RALYL: variants seen among roughly 807,000 people sequenced by gnomAD.
The protein encoded by RALYL is RALY RNA binding protein like.
In RALYL, 29 loss-of-function variants were observed where a neutral mutation model predicts 35.1. The observed-to-expected ratio is 0.83, with a 90% CI of 0.61 to 1.13. The LOEUF (loss-of-function observed/expected upper bound fraction) is 1.13, where lower values mean the gene tolerates loss of function less well. RALYL is among the 50% of genes most tolerant of loss of function. RALYL has a pLI of 0.00. For missense variants in RALYL, 359 were observed against 360.4 expected (o/e 1.00, Z 0.03); for synonymous variants, 120 against 127.6 (o/e 0.94, Z 0.40).
At chr8:84,268,802 CTTTTG>C (rs923255230) in intron 1 of RALYL, among the ~76,000 whole-genome samples, 1 of 152,080 alleles carries the variant, frequency 6.6e-6, no homozygotes, top group African/African-American at 2.4e-5. Flanking sequence ...CTGCATGGGT[CTTTTG>C]GTATCCCGTA....
intron 2 of RALYL, among the ~76,000 whole-genome samples, chr8:84,763,902 G>C (rs1238780886): frequency 1.3e-5 from 2 of 152,266 alleles, no homozygotes; most frequent in East Asian, 1.9e-4. Flanking sequence ...CATAGATGAA[G>C]CATGCACCAA....
At chr8:84,521,491 T>C (rs897986058) in intron 1 of RALYL, among the ~76,000 whole-genome samples, 1 of 152,230 alleles carries the variant, frequency 6.6e-6, no homozygotes, top group African/African-American at 2.4e-5. Context: ...TTGTGTTGTT[T>C]CATCTGCATG....
chr8:84,480,126 A>G (rs1444153503), intron 1 of RALYL, among the ~76,000 whole-genome samples: 1 of 152,120 alleles, frequency 6.6e-6, no homozygotes, highest in African/African-American at 2.4e-5. Context: ...GTGTCAAATA[A>G]ATAGTATTTG....
intron 2 of RALYL, among the ~76,000 whole-genome samples, chr8:84,728,648 T>G (rs1240624463): frequency 6.6e-6 from 1 of 152,194 alleles, no homozygotes. Flanking sequence ...AATTGATTTT[T>G]GTATAAGGTG....
intron 2 of RALYL, among the ~76,000 whole-genome samples, chr8:84,555,601 A>C (rs1283468145): frequency 1.3e-5 from 2 of 152,188 alleles, no homozygotes; most frequent in African/African-American, 2.4e-5. Context: ...CATTTGGATA[A>C]ATAAAAGTAA....
chr8:84,493,621 A>T (rs1178906881), intron 1 of RALYL, among the ~76,000 whole-genome samples: 2 of 152,070 alleles, frequency 1.3e-5, no homozygotes, highest in African/African-American at 4.8e-5. Flanking sequence ...CTGGTGTGAG[A>T]TGGTATCTCG....
intron 4 of RALYL, among the ~76,000 whole-genome samples, chr8:84,847,139 C>T (rs1834836282): frequency 6.6e-6 from 1 of 152,194 alleles, no homozygotes; most frequent in South Asian, 2.1e-4. Flanking sequence ...GCCGCTGCCC[C>T]CTACACAAAA....
chr8:84,801,354 C>T (rs1316312717), intron 3 of RALYL, among the ~76,000 whole-genome samples: 2 of 152,330 alleles, frequency 1.3e-5, no homozygotes, highest in East Asian at 3.9e-4. Flanking sequence ...ACATTCTCCC[C>T]TCTAGACCCA....
chr8:84,687,084 T>C (rs539889702), intron 2 of RALYL, among the ~76,000 whole-genome samples: 137 of 152,340 alleles, frequency 9.0e-4, no homozygotes, highest in African/African-American at 2.7e-3. Flanking sequence ...TTTTGTGTTC[T>C]GATATATTAC....
At chr8:84,219,687 C>A (rs979727586) in intron 1 of RALYL, among the ~76,000 whole-genome samples, 1 of 151,550 alleles carries the variant, frequency 6.6e-6, no homozygotes, top group Non-Finnish European at 1.5e-5. Context: ...TGCAACATAG[C>A]ATAACTGAGT....
chr8:84,587,908 A>G (rs1441853007), intron 2 of RALYL, among the ~76,000 whole-genome samples: 1 of 152,152 alleles, frequency 6.6e-6, no homozygotes, highest in Non-Finnish European at 1.5e-5. Flanking sequence ...GAGCACCTAT[A>G]ATAGAAGGCC....
intron 1 of RALYL, among the ~76,000 whole-genome samples, chr8:84,365,977 G>C (rs931940149): frequency 1.3e-4 from 20 of 152,180 alleles, no homozygotes; most frequent in African/African-American, 4.8e-4. Context: ...ATGCTTCACT[G>C]TAGCTTCTGT....
Position 84,279,529 on chromosome 8 carries a change from T to C in RALYL, c.-24+95105T>C, listed in dbSNP as rs114650390. Among the ~76,000 whole-genome samples, 873 of 152,346 alleles carry C rather than the reference T, an allele frequency of 5.7e-3. 10 individuals carry two copies. The highest frequency in any genetic ancestry group is 0.019 in the African/African-American group (804 of 41,570). ...ATTGCTATTACTGGCTCAAAGTTTC[T>C]AATAGAAAGTTTCTAGTAAAAGTTC... On this transcript the variant is annotated intron_variant, in intron 1 of 8. Coordinates refer to ENST00000521268, the MANE Select transcript of RALYL (RefSeq NM_173848.7).
intron 2 of RALYL, among the ~76,000 whole-genome samples, chr8:84,751,828 C>T (rs1810111901): frequency 1.3e-5 from 2 of 152,124 alleles, no homozygotes; most frequent in South Asian, 2.1e-4. Flanking sequence ...TCCTGTACAG[C>T]CTGTGGAACC....
chr8:84,457,054 T>C (rs2050213143), intron 1 of RALYL, among the ~76,000 whole-genome samples: 1 of 151,986 alleles, frequency 6.6e-6, no homozygotes, highest in African/African-American at 2.4e-5. Flanking sequence ...CAAATGCTTA[T>C]CTTAAAACAT....
chr8:84,362,165 G>A (rs1442463329), intron 1 of RALYL, among the ~76,000 whole-genome samples: 1 of 151,910 alleles, frequency 6.6e-6, no homozygotes, highest in Non-Finnish European at 1.5e-5. Flanking sequence ...AATATACACA[G>A]AATACCAGAG....
chr8:84,282,877 A>G (rs796327058), intron 1 of RALYL, among the ~76,000 whole-genome samples: 11 of 152,100 alleles, frequency 7.2e-5, no homozygotes, highest in African/African-American at 2.6e-4. Context: ...TTGGAACTTG[A>G]CAAAATAGAA....
intron 8 of RALYL, among the ~76,000 whole-genome samples, chr8:84,908,245 G>A (rs78574254): frequency 0.02 from 3,063 of 152,072 alleles, 217 homozygotes; most frequent in Admixed American, 0.14. Context: ...TAGCAATTTC[G>A]AAATATACAT....
At chr8:84,813,756 C>CAATT (rs1354798733) in intron 4 of RALYL, among the ~76,000 whole-genome samples, 4 of 152,042 alleles carry the variant, frequency 2.6e-5, no homozygotes, top group African/African-American at 9.7e-5. Context: ...TTAGTTTAGG[C>CAATT]AATTACTTTT....
Sources: allele counts gnomAD v4.1 joint callset (sites outside exome capture counted in the v4.1 genomes callset), GRCh38; gene constraint gnomAD v4.1.1; transcripts MANE v1.5; gene names NCBI Gene and HGNC (gene_info 2026-07-23, HGNC 2026-07-21).